EPB41L4B: variants seen among roughly 807,000 people sequenced by gnomAD.
EPB41L4B encodes band 4.1-like protein 4B.
In EPB41L4B, 30 loss-of-function variants were observed where a neutral mutation model predicts 112.5. The observed-to-expected ratio is 0.27, with a 90% confidence interval of 0.20 to 0.36. EPB41L4B has a LOEUF of 0.36. Ranked by LOEUF, EPB41L4B falls within the 10% of genes least tolerant of loss-of-function variation. The probability of loss-of-function intolerance (pLI) is 1.00; values close to 1 mark genes in which losing one functional copy is unlikely to be tolerated. For synonymous variants in EPB41L4B, 408 were observed against 439.7 expected (o/e 0.93, Z 0.90); for missense variants, 1,024 against 1,133.3 (o/e 0.90, Z 1.38).
chr9:109,282,161 T>C (rs1836089617), intron 1 of EPB41L4B, among the ~76,000 whole-genome samples: 2 of 152,232 alleles, frequency 1.3e-5, no homozygotes, highest in Admixed American at 1.3e-4. Flanking sequence ...ACACATCATA[T>C]GATCCATTTA....
At chr9:109,196,703 T>C (rs1832652631) in intron 20 of EPB41L4B, among the ~76,000 whole-genome samples, 1 of 129,390 alleles carries the variant, frequency 7.7e-6, no homozygotes, top group Non-Finnish European at 1.6e-5. Flanking sequence ...GGCAACAGAG[T>C]GAGGCCTTGT....
At chr9:109,270,380 T>C (rs946482233) in intron 2 of EPB41L4B, among the ~76,000 whole-genome samples, 11 of 152,248 alleles carry the variant, frequency 7.2e-5, no homozygotes, top group African/African-American at 1.2e-4. Context: ...TTCATAATTG[T>C]TTATTTTAAT....
At chr9:109,227,157 C>T (rs1833811565) in intron 15 of EPB41L4B, among the ~76,000 whole-genome samples, 2 of 152,058 alleles carry the variant, frequency 1.3e-5, no homozygotes. Context: ...TTTTATTGTT[C>T]TACTAATCTA....
intron 1 of EPB41L4B, among the ~76,000 whole-genome samples, chr9:109,318,184 C>T (rs1380372663): frequency 1.3e-5 from 2 of 150,868 alleles, no homozygotes; most frequent in Admixed American, 6.6e-5. Context: ...TGTGTGTGCA[C>T]GCGCATAAAT....
At chr9:109,289,737 T>C (rs964688972) in intron 1 of EPB41L4B, among the ~76,000 whole-genome samples, 1 of 152,246 alleles carries the variant, frequency 6.6e-6, no homozygotes, top group Non-Finnish European at 1.5e-5. Flanking sequence ...TCCTTGTGGC[T>C]AACAAAATGC....
intron 3 of EPB41L4B, among the ~76,000 whole-genome samples, chr9:109,268,155 C>T (rs954387134): frequency 2.6e-5 from 4 of 152,150 alleles, no homozygotes; most frequent in South Asian, 2.1e-4. Flanking sequence ...TTGGCAGAGG[C>T]GTCTGATTTC....
chr9:109,256,023 T>C (rs1157115997), intron 9 of EPB41L4B, 113 bp downstream of exon 9: 11 of 1,161,838 alleles, frequency 9.5e-6, no homozygotes, highest in South Asian at 1.4e-5. Context: ...CAGCACCGTG[T>C]GCTCTGAGGA....
chr9:109,320,469 C>G lies in EPB41L4B; in HGVS notation c.-23G>C. 1.0e-6 allele frequency: 1 copy of G among 982,660 alleles called. No homozygotes were observed. Among genetic ancestry groups the G allele is most frequent in the African/African-American group, 1.8e-5 (1 of 54,812 alleles). The allele number at this position is 982,660 out of a possible 1,614,324, so 60.9% of individuals were successfully genotyped here. On this transcript the variant is annotated 5_prime_UTR_variant, in exon 1 of 26. Transcript: ENST00000374566. ...CATCCTGGCTGGGGGCGCCCCCTGC[C>G]TCCGCCCCCTGCGCTGCCGCTGCCG...
chr9:109,226,769 AATAT>A (rs912705870), intron 15 of EPB41L4B, among the ~76,000 whole-genome samples: 1 of 141,860 alleles, frequency 7.0e-6, no homozygotes, highest in Non-Finnish European at 1.5e-5. Context: ...TATATATATG[AATAT>A]ATATATGAAG....
intron 1 of EPB41L4B, among the ~76,000 whole-genome samples, chr9:109,296,412 C>T (rs1008986060): frequency 2.0e-5 from 3 of 152,170 alleles, no homozygotes; most frequent in Admixed American, 2.0e-4. Context: ...GAGTTTGAAT[C>T]CTAACTCTAT....
rs117089645 is a variant in EPB41L4B at position 109,219,090 on chromosome 9, A to T, written c.1410-1945T>A. Among the ~76,000 whole-genome samples the T allele has an allele frequency of 5.8e-4, 88 of 152,266 alleles. 1 individual carries two copies. Among genetic ancestry groups the T allele is most frequent in the Non-Finnish European group, 1.0e-3 (68 of 68,018 alleles). On this transcript the variant is annotated intron_variant, in intron 15 of 25. Transcript: ENST00000374566. ...TTTTGCTGGACAGTTCTTGAAACAG[A>T]ATCTTCTTTCTTATAGGAAACCCCA...
chr9:109,224,550 C>CG (rs961074243), intron 15 of EPB41L4B, among the ~76,000 whole-genome samples: 70 of 152,006 alleles, frequency 4.6e-4, no homozygotes, highest in African/African-American at 1.6e-3. Flanking sequence ...GGATGGTGGA[C>CG]GGGGGGAAGG....
intron 1 of EPB41L4B, among the ~76,000 whole-genome samples, chr9:109,296,858 C>T (rs1373112861): frequency 7.2e-6 from 1 of 138,240 alleles, no homozygotes; most frequent in South Asian, 2.3e-4. Flanking sequence ...CACTGCAGAA[C>T]GAGGCCATGT....
chr9:109,262,964 C>T, intron 6 of EPB41L4B, 86 bp downstream of exon 6: 1 of 934,004 alleles, frequency 1.1e-6, no homozygotes. Flanking sequence ...AAGCTAAGCA[C>T]TGGGCCTGGT....
At chr9:109,185,769 G>A (rs544991983) in intron 22 of EPB41L4B, among the ~76,000 whole-genome samples, 164 bp from the exon 23 acceptor site, 3 of 152,064 alleles carry the variant, frequency 2.0e-5, no homozygotes, top group East Asian at 1.9e-4. Flanking sequence ...CTACTTCCAG[G>A]CTCTGGCCAA....
intron 1 of EPB41L4B, among the ~76,000 whole-genome samples, chr9:109,301,911 A>G (rs1211035845): frequency 6.6e-6 from 1 of 152,224 alleles, no homozygotes; most frequent in Non-Finnish European, 1.5e-5. Context: ...TCAAAAATAA[A>G]TAAACAAACA....
At chr9:109,272,910 G>A (rs1229711640) in intron 2 of EPB41L4B, among the ~76,000 whole-genome samples, 1 of 152,128 alleles carries the variant, frequency 6.6e-6, no homozygotes, top group Non-Finnish European at 1.5e-5. Context: ...GGTGTGGGAG[G>A]TGCAGCCTTG....
chr9:109,268,499 T>C, intron 2 of EPB41L4B, 66 bp from the exon 3 acceptor site: 1 of 1,403,534 alleles, frequency 7.1e-7, no homozygotes, highest in Non-Finnish European at 9.8e-7. Flanking sequence ...CCCTCACAGT[T>C]ACCCTCCTCT....
intron 5 of EPB41L4B, 146 bp downstream of exon 5, chr9:109,264,834 C>T (rs1825446200): frequency 1.8e-6 from 1 of 562,152 alleles, no homozygotes; most frequent in African/African-American, 1.9e-5. Flanking sequence ...GACAGTGATA[C>T]AAGTATTAGA....
Sources: allele counts gnomAD v4.1 joint callset (sites outside exome capture counted in the v4.1 genomes callset), GRCh38; gene constraint gnomAD v4.1.1; transcripts MANE v1.5; gene names NCBI Gene and HGNC (gene_info 2026-07-23, HGNC 2026-07-21).